The following COL23A1 variants were observed in gnomAD, a reference collection of about 807,000 sequenced individuals.
COL23A1 encodes collagen type XXIII alpha 1 chain.
Under a neutral mutation model 99.3 loss-of-function variants are expected in COL23A1, and 97 were observed. The ratio of observed to expected loss-of-function variants is 0.98; its 90% CI spans 0.83 to 1.16. The LOEUF (loss-of-function observed/expected upper bound fraction) is 1.16, where lower values mean the gene tolerates loss of function less well. Ranked by LOEUF, COL23A1 falls within the 50% of genes most tolerant of loss-of-function variation. The probability of loss-of-function intolerance (pLI) is 0.00; values close to 1 mark genes in which losing one functional copy is unlikely to be tolerated. For missense variants in COL23A1, 762 were observed against 757.4 expected, an observed-to-expected ratio of 1.01 and a Z score of -0.07; for synonymous variants, 320 against 308.2, an observed-to-expected ratio of 1.04 and a Z score of -0.40.
chr5:178,303,978 A>C (rs531231251), intron 3 of COL23A1, among the ~76,000 whole-genome samples: 1 of 152,340 alleles, frequency 6.6e-6, no homozygotes, highest in African/African-American at 2.4e-5. Flanking sequence ...CCTTAGAAAG[A>C]AAGATGACTC....
In COL23A1 at chr5:178,468,386, T is replaced by C. The variant is rs1756542781; in HGVS notation, c.361+92296A>G. Among the ~76,000 whole-genome samples the C allele has an allele frequency of 6.6e-6, 1 of 152,154 alleles. No individual in the cohort carries two copies. The highest frequency in any genetic ancestry group is 1.5e-5 in the Non-Finnish European group (1 of 68,018). On this transcript the variant is annotated intron_variant, in intron 2 of 28. Coordinates refer to ENST00000390654, the MANE Select transcript of COL23A1 (RefSeq NM_173465.4). The surrounding 1 kb of genome is among the most constrained non-coding windows in gnomAD (Gnocchi z 4.2). ...AGCCAGCACGTGGGTCAAAGGGCGA[T>C]GGACTGGGCTAGGGGTCAGTGTGAT...
intron 2 of COL23A1, among the ~76,000 whole-genome samples, chr5:178,372,536 G>A (rs1762853825): frequency 6.6e-6 from 1 of 152,250 alleles, no homozygotes; most frequent in South Asian, 2.1e-4. Context: ...CCTGCAAGGG[G>A]AGAGGGTGAG....
intron 2 of COL23A1, chr5:178,352,122 C>G (rs912473517): frequency 2.0e-5 from 3 of 152,260 alleles, no homozygotes; most frequent in African/African-American, 7.2e-5. Flanking sequence ...TTCATCCTGG[C>G]TTCTCTACTC....
At position 178,306,948 on chromosome 5, in the gene COL23A1, T is replaced by C. The variant is rs1425106850; in HGVS notation, c.362-29A>G. The C allele has an allele frequency of 2.0e-6, 3 of 1,478,670 alleles. No homozygotes were observed. The highest frequency in any genetic ancestry group is 2.7e-6 in the Non-Finnish European group (3 of 1,112,390). 91.6% of individuals were successfully genotyped at this position (1,478,670 alleles called of 1,614,324 possible). On this transcript the variant is annotated intron_variant, in intron 2 of 28. Transcript: ENST00000390654. This position sits in a 1 kb window ranked among gnomAD's most constrained non-coding sequence, Gnocchi z 4.1. ...GACAGGAAAACAAGAATGCATTCATTGAGAAGGGAAGCCAGTGGACTTGGC... is the reference window on the plus strand; with the variant it reads ...GACAGGAAAACAAGAATGCATTCATCGAGAAGGGAAGCCAGTGGACTTGGC...
rs551123931 is a variant in COL23A1 at position 178,242,081 on chromosome 5, G to A, written c.1542C>T (p.Gly514=). Reference sequence around the variant, plus strand: ...GGTCCAGGCCTGGTGGTCCCGGCTCGCCCTTCTGGCCCTTCACTCCTTTCC... The same window carrying A: ...GGTCCAGGCCTGGTGGTCCCGGCTCACCCTTCTGGCCCTTCACTCCTTTCC... ...PGRKGVKGQK[G]EPGPPGLDQP... is the part of the protein sequence containing the mutation. Residue 514 remains glycine (G), a synonymous_variant, in exon 27 of 29, where the codon GGC becomes GGT. Coordinates refer to ENST00000390654, the MANE Select transcript of COL23A1 (RefSeq NM_173465.4). 8.4e-5 allele frequency: 131 copies of A among 1,553,382 alleles called. No individual in the cohort carries two copies. The highest frequency in any genetic ancestry group is 4.4e-4 in the East Asian group (18 of 41,106).
rs113692957 is a variant in COL23A1, at chr5:178,472,797, C to T, written c.361+87885G>A. On this transcript the variant is annotated intron_variant, in intron 2 of 28. Transcript: ENST00000390654. Reference sequence around the variant, plus strand: ...TCCATATCCATGGATTCCACATCCACGGTCTCAACCAACCGCAGATTGAAA... The same window carrying T: ...TCCATATCCATGGATTCCACATCCATGGTCTCAACCAACCGCAGATTGAAA... Among the ~76,000 whole-genome samples, 181 of 152,240 alleles carry T rather than the reference C, an allele frequency of 1.2e-3. 1 individual carries two copies. Among genetic ancestry groups the T allele is most frequent in the African/African-American group, 3.9e-3 (161 of 41,546 alleles).
chr5:178,350,349 C>T (rs1581201527), intron 2 of COL23A1, among the ~76,000 whole-genome samples: 1 of 152,304 alleles, frequency 6.6e-6, no homozygotes, highest in East Asian at 1.9e-4. Context: ...TCCCAGCAGC[C>T]AGCACAGTGC....
At chr5:178,530,487 G>A (rs1760583688) in intron 2 of COL23A1, among the ~76,000 whole-genome samples, 1 of 152,104 alleles carries the variant, frequency 6.6e-6, no homozygotes, top group South Asian at 2.1e-4. Context: ...TCTAACTTCT[G>A]TCCCCTTTGA....
intron 2 of COL23A1, among the ~76,000 whole-genome samples, chr5:178,470,589 A>G (rs1418421773): frequency 1.3e-5 from 2 of 152,206 alleles, no homozygotes; most frequent in African/African-American, 2.4e-5. Flanking sequence ...GAGAGAACAC[A>G]GAGGTGCAAG....
chr5:178,251,886 TTC>T (rs376891708), intron 17 of COL23A1, among the ~76,000 whole-genome samples: 1 of 151,388 alleles, frequency 6.6e-6, no homozygotes, highest in Non-Finnish European at 1.5e-5. Context: ...TTTTCTTTCT[TTC>T]TCTCTCTTTC....
At chr5:178,279,685 T>C (rs1187661728) in intron 5 of COL23A1, among the ~76,000 whole-genome samples, 1 of 152,098 alleles carries the variant, frequency 6.6e-6, no homozygotes, top group Non-Finnish European at 1.5e-5. Flanking sequence ...GGCTGGGTGC[T>C]CCAGGGACAC....
chr5:178,243,484 T>G (rs1390022783), intron 25 of COL23A1, among the ~76,000 whole-genome samples: 12 of 137,590 alleles, frequency 8.7e-5, no homozygotes, highest in Admixed American at 2.2e-4. Context: ...TGAGACTCCA[T>G]CTCCAAAAAA....
At position 178,248,195 on chromosome 5, in the gene COL23A1, G is replaced by C. The variant is rs762161654; in HGVS notation, c.1209C>G (p.Ser403Arg). ...GESASDSLQE[S>R]LAQLIVEPGP... ...TGACCCCCCCATACCCCCTTACCAG[G>C]CTCTCCTGTAGGCTGTCAGACGCCG... The change falls in exon 20 of 29, where the codon AGC becomes AGG. Residue 403 changes from serine to arginine, a missense_variant. Transcript: ENST00000390654. The C allele has an allele frequency of 3.1e-6, 5 of 1,600,156 alleles. No individual in the cohort carries two copies. The highest frequency in any genetic ancestry group is 4.3e-6 in the Non-Finnish European group (5 of 1,167,960).
At chr5:178,551,745 C>T (rs1369600257) in intron 2 of COL23A1, among the ~76,000 whole-genome samples, 1 of 152,180 alleles carries the variant, frequency 6.6e-6, no homozygotes, top group Non-Finnish European at 1.5e-5. Flanking sequence ...CAAGCTGTCT[C>T]CTGCCCTGAG....
At chr5:178,292,068 G>A (rs942525355) in intron 3 of COL23A1, among the ~76,000 whole-genome samples, 8 of 152,090 alleles carry the variant, frequency 5.3e-5, no homozygotes, top group African/African-American at 1.9e-4. Flanking sequence ...ATACATCTGT[G>A]CCTGTACCTG....
rs1210547272 is a variant in COL23A1 at position 178,589,043 on chromosome 5, C to A, written c.294+861G>T. 2.0e-5 allele frequency among the ~76,000 whole-genome samples: 3 copies of A among 152,154 alleles called. No homozygotes were observed. The highest frequency in any genetic ancestry group is 1.5e-5 in the Non-Finnish European group (1 of 68,026). On this transcript the variant is annotated intron_variant, in intron 1 of 28. Transcript: ENST00000390654. This position sits in a 1 kb window ranked among gnomAD's most constrained non-coding sequence, Gnocchi z 5.4. ...TGGGGAGGGGAACTGCCGCACATGCCGCACACAAAAGGCGGAGGCTTTGAC... is the reference window on the plus strand; with the variant it reads ...TGGGGAGGGGAACTGCCGCACATGCAGCACACAAAAGGCGGAGGCTTTGAC...
chr5:178,531,371 T>A (rs1581578743), intron 2 of COL23A1, among the ~76,000 whole-genome samples: 3 of 152,300 alleles, frequency 2.0e-5, no homozygotes, highest in African/African-American at 7.2e-5. Context: ...GCAAATCTAG[T>A]GCTCTCCGCA....
At chr5:178,274,565 G>A (rs1369900366) in intron 5 of COL23A1, among the ~76,000 whole-genome samples, 2 of 116,424 alleles carry the variant, frequency 1.7e-5, no homozygotes, top group Non-Finnish European at 4.3e-5. Flanking sequence ...TTGGGTGGTG[G>A]TTGGCTGGGT....
At chr5:178,290,516 C>T in intron 3 of COL23A1, 147 bp from the exon 4 acceptor site, 1 of 1,066,588 alleles carries the variant, frequency 9.4e-7, no homozygotes, top group Non-Finnish European at 1.4e-6. Flanking sequence ...CTGTTTCCTG[C>T]CACGGCCTGA....
Sources: allele counts gnomAD v4.1 joint callset (sites outside exome capture counted in the v4.1 genomes callset), GRCh38; gene constraint gnomAD v4.1.1; non-coding constraint Gnocchi (gnomAD v3.1); transcripts MANE v1.5; gene names NCBI Gene and HGNC (gene_info 2026-07-23, HGNC 2026-07-21).